The following ANKRD30BL variants were observed in gnomAD, a reference collection of about 807,000 sequenced individuals.
ANKRD30BL encodes putative ankyrin repeat domain-containing protein 30B-like.
In ANKRD30BL, 20 loss-of-function variants were observed where a neutral mutation model predicts 18.4. The observed-to-expected ratio is 1.09, with a 90% CI of 0.77 to 1.58. The LOEUF (loss-of-function observed/expected upper bound fraction) is 1.58, where lower values mean the gene tolerates loss of function less well. Ranked by LOEUF, ANKRD30BL falls within the 40% of genes most tolerant of loss-of-function variation. ANKRD30BL has a pLI of 0.00. For missense variants in ANKRD30BL, 224 were observed against 268.6 expected, an observed-to-expected ratio of 0.83 and a Z score of 1.16; for synonymous variants, 72 against 100.9, an observed-to-expected ratio of 0.71 and a Z score of 1.72.
chr2:132,150,971 T>A lies in ANKRD30BL; in HGVS notation c.620A>T (p.His207Leu), dbSNP rs1245216391. Reference protein sequence around the residue: ...ANAVDKFKCVHQQLLEYKQKI... With the variant: ...ANAVDKFKCVLQQLLEYKQKI... ...TTGTTTATATTCCAAAAGTTGTTGATGAACGCTATGTATAAAAATGAAATA... is the reference window on the plus strand; with the variant it reads ...TTGTTTATATTCCAAAAGTTGTTGAAGAACGCTATGTATAAAAATGAAATA... Residue 207 changes from histidine (H) to leucine (L), a missense_variant, in exon 5 of 6, where the codon CAT becomes CTT. By Grantham distance (99) the His-to-Leu change is moderately conservative (BLOSUM62 -3). Transcript: ENST00000409867. The A allele has an allele frequency of 4.9e-6, 3 of 610,098 alleles. No individual in the cohort carries two copies. In the East Asian group the frequency reaches 9.3e-5, roughly 19 times the overall value. 37.8% of individuals were successfully genotyped at this position (610,098 alleles called of 1,614,324 possible). A position where few individuals can be genotyped will look rare whatever the true frequency, so the allele number is the denominator to read the frequency against.
chr2:132,253,775 G>A (rs553939785), intron 1 of ANKRD30BL, among the ~76,000 whole-genome samples: 57 of 151,908 alleles, frequency 3.8e-4, no homozygotes, highest in South Asian at 2.1e-4. Flanking sequence ...ACCAGAATGC[G>A]CTAGGTACCT....
intron 1 of ANKRD30BL, among the ~76,000 whole-genome samples, chr2:132,210,929 G>T (rs1404534119): frequency 2.8e-3 from 382 of 134,394 alleles, no homozygotes; most frequent in African/African-American, 4.3e-3. Flanking sequence ...TCTTTGTGAT[G>T]TGTGCATTCA....
chr2:132,238,542 T>G lies in ANKRD30BL; in HGVS notation n.441+18987A>C, dbSNP rs186787211. On this transcript the variant is annotated intron_variant and non_coding_transcript_variant, in intron 1 of 4. Coordinates refer to the ANKRD30BL transcript ENST00000470729. ...AACATTCGTTTTCATGGAGCTGTTA[T>G]GAAACACTCTTTTTGTAGAATCTGT... Among the ~76,000 whole-genome samples, 62 of 152,066 alleles carry G rather than the reference T, an allele frequency of 4.1e-4. 3 individuals are homozygous for G. The highest frequency in any genetic ancestry group is 3.9e-3 in the Admixed American group (60 of 15,192).
chr2:132,222,047 G>C (rs1178040541), intron 1 of ANKRD30BL, among the ~76,000 whole-genome samples: 5 of 126,176 alleles, frequency 4.0e-5, no homozygotes, highest in Admixed American at 2.3e-4. Flanking sequence ...GGGAGGCGGG[G>C]GGGGGGGTCG....
chr2:132,241,744 T>C (rs1680333487), intron 1 of ANKRD30BL, among the ~76,000 whole-genome samples: 1 of 151,938 alleles, frequency 6.6e-6, no homozygotes, highest in Non-Finnish European at 1.5e-5. Context: ...TGTACTCAAC[T>C]CACAGAGTTG....
chr2:132,202,493 T>A (rs1392804986), intron 1 of ANKRD30BL, among the ~76,000 whole-genome samples: 1 of 151,766 alleles, frequency 6.6e-6, no homozygotes, highest in Non-Finnish European at 1.5e-5. Context: ...AATCAAGTAA[T>A]TTTAATCAGA....
chr2:132,179,231 G>T (rs908914438), intron 1 of ANKRD30BL, among the ~76,000 whole-genome samples: 2 of 151,750 alleles, frequency 1.3e-5, no homozygotes, highest in African/African-American at 4.8e-5. Context: ...CATAATACCT[G>T]ATAATGATAA....
chr2:132,212,942 G>A (rs752509812), intron 1 of ANKRD30BL, among the ~76,000 whole-genome samples: 4 of 152,000 alleles, frequency 2.6e-5, no homozygotes, highest in Non-Finnish European at 4.4e-5. Context: ...TTGGACATTT[G>A]GAGCGATTTG....
chr2:132,220,567 T>C (rs1381988774), intron 1 of ANKRD30BL, among the ~76,000 whole-genome samples: 4 of 151,988 alleles, frequency 2.6e-5, no homozygotes, highest in Non-Finnish European at 5.9e-5. Context: ...GGTTTCGCTG[T>C]GTTGGCCAGG....
intron 1 of ANKRD30BL, among the ~76,000 whole-genome samples, chr2:132,240,800 C>T (rs866013201): frequency 3.3e-5 from 5 of 151,210 alleles, no homozygotes; most frequent in African/African-American, 7.3e-5. Flanking sequence ...ACATTTGGAG[C>T]GCTTTGAGGC....
chr2:132,165,092 A>C (rs1332463063), upstream of ANKRD30BL, among the ~76,000 whole-genome samples: 1 of 151,988 alleles, frequency 6.6e-6, no homozygotes, highest in Non-Finnish European at 1.5e-5. Context: ...AACAAACAAA[A>C]AAAAACGCAA....
intron 1 of ANKRD30BL, among the ~76,000 whole-genome samples, chr2:132,254,107 C>G (rs1206563207): frequency 6.6e-6 from 1 of 152,016 alleles, no homozygotes; most frequent in Non-Finnish European, 1.5e-5. Flanking sequence ...GGACTGCTCC[C>G]CACTGCTCAC....
intron 1 of ANKRD30BL, among the ~76,000 whole-genome samples, chr2:132,239,962 C>A (rs986430562): frequency 6.6e-6 from 1 of 150,556 alleles, no homozygotes; most frequent in Admixed American, 6.7e-5. Context: ...TTGAGGATTT[C>A]GTTGGAAACG....
At chr2:132,227,994 C>G (rs1287520828) in intron 1 of ANKRD30BL, among the ~76,000 whole-genome samples, 1 of 152,068 alleles carries the variant, frequency 6.6e-6, no homozygotes, top group African/African-American at 2.4e-5. Flanking sequence ...AGGGTTAACT[C>G]TTACTTTTGA....
intron 1 of ANKRD30BL, among the ~76,000 whole-genome samples, chr2:132,215,540 G>A (rs1015821583): frequency 1.3e-5 from 2 of 152,184 alleles, no homozygotes; most frequent in African/African-American, 4.8e-5. Context: ...ATAAAAATTA[G>A]ACAGAAGCAT....
chr2:132,225,193 GT>G (rs1190216348), intron 1 of ANKRD30BL, among the ~76,000 whole-genome samples: 3 of 151,900 alleles, frequency 2.0e-5, no homozygotes, highest in Non-Finnish European at 4.4e-5. Context: ...AAACTTCTTT[GT>G]TCTGTGTGCA....
At chr2:132,255,677 C>T (rs76328112) in intron 1 of ANKRD30BL, among the ~76,000 whole-genome samples, 3 of 152,154 alleles carry the variant, frequency 2.0e-5, no homozygotes, top group Admixed American at 6.5e-5. Context: ...TGTTATTTTT[C>T]GTCACTACCT....
chr2:132,220,509 G>A lies in ANKRD30BL; in HGVS notation n.441+37020C>T, dbSNP rs540822702. 2.5e-4 allele frequency among the ~76,000 whole-genome samples: 38 copies of A among 151,988 alleles called. 1 individual carries two copies. The South Asian group carries it at 4.6e-3, about 18-fold the overall frequency. ...CTGCCGAGTGCCTGTGATTGCAGGC[G>A]CGCGTCGCCACGCCTGACTGGTTTT... is the stretch of plus-strand genomic sequence containing the variant. On this transcript the variant is annotated intron_variant and non_coding_transcript_variant, in intron 1 of 4. Coordinates refer to the ANKRD30BL transcript ENST00000470729.
chr2:132,169,038 T>C (rs1001770517), intron 1 of ANKRD30BL, among the ~76,000 whole-genome samples: 1 of 152,164 alleles, frequency 6.6e-6, no homozygotes, highest in African/African-American at 2.4e-5. Flanking sequence ...TCTGCACCTG[T>C]ATTCCTATCT....
Sources: gnomAD v4.1 joint callset for allele counts (sites outside exome capture counted in the v4.1 genomes callset) on GRCh38, gnomAD v4.1.1 for gene constraint, MANE v1.5 for transcripts, NCBI Gene and HGNC (gene_info 2026-07-23, HGNC 2026-07-21) for gene names.